Variants in MGAT5 observed in about 807,000 individuals in gnomAD.
MGAT5 encodes alpha-1,6-mannosylglycoprotein 6-beta-N-acetylglucosaminyltransferase A.
MGAT5 carries 30 observed loss-of-function variants against 94.3 expected under a neutral mutation model. The observed-to-expected ratio is 0.32, with a 90% CI of 0.24 to 0.43. The LOEUF (loss-of-function observed/expected upper bound fraction) is 0.43. Ranked by LOEUF, MGAT5 falls within the 20% of genes least tolerant of loss-of-function variation. The pLI, the probability that MGAT5 is intolerant of heterozygous loss-of-function variation, is 1.00. For synonymous variants in MGAT5, 310 were observed against 322.9 expected (o/e 0.96, Z 0.43); for missense variants, 691 against 905.5 (o/e 0.76, Z 3.04).
At chr2:134,230,179 C>G (rs370876578) in intron 1 of MGAT5, among the ~76,000 whole-genome samples, 1 of 152,184 alleles carries the variant, frequency 6.6e-6, no homozygotes, top group East Asian at 1.9e-4. Flanking sequence ...GCATTAGATT[C>G]TCATAAGGAG....
intron 1 of MGAT5, among the ~76,000 whole-genome samples, chr2:134,219,104 T>C (rs1363972925): frequency 1.3e-5 from 2 of 151,390 alleles, no homozygotes; most frequent in East Asian, 3.9e-4. Context: ...GAGGTGTGAG[T>C]GCGGTGGAGT....
chr2:134,248,746 C>A (rs955701927), intron 1 of MGAT5, among the ~76,000 whole-genome samples: 5 of 152,150 alleles, frequency 3.3e-5, no homozygotes. Flanking sequence ...TTTGAAGAGA[C>A]CAAATCTCTG....
At chr2:134,431,757 G>A (rs777176858) in intron 14 of MGAT5, among the ~76,000 whole-genome samples, 4 of 152,004 alleles carry the variant, frequency 2.6e-5, no homozygotes, top group East Asian at 1.9e-4. Flanking sequence ...AGGGTTGTCC[G>A]TCATGCTCAG....
At chr2:134,281,868 CAGA>C (rs1684719212) in intron 2 of MGAT5, among the ~76,000 whole-genome samples, 1 of 152,168 alleles carries the variant, frequency 6.6e-6, no homozygotes, top group South Asian at 2.1e-4. Context: ...GCAAGATTTG[CAGA>C]AGAACAAAGT....
At chr2:134,419,018 C>A (rs1684132525) in intron 12 of MGAT5, among the ~76,000 whole-genome samples, 1 of 152,194 alleles carries the variant, frequency 6.6e-6, no homozygotes, top group Admixed American at 6.5e-5. Flanking sequence ...TTCTAAGAAT[C>A]AAAAATCCCT....
chr2:134,406,591 G>A (rs1211025259), intron 11 of MGAT5, among the ~76,000 whole-genome samples: 1 of 152,142 alleles, frequency 6.6e-6, no homozygotes, highest in Non-Finnish European at 1.5e-5. Flanking sequence ...CACAAAACCT[G>A]TCTAAGGCAG....
intron 1 of MGAT5, among the ~76,000 whole-genome samples, chr2:134,165,037 T>C (rs1687908983): frequency 6.6e-6 from 1 of 152,238 alleles, no homozygotes; most frequent in Non-Finnish European, 1.5e-5. Context: ...GGCTGTGTGG[T>C]AGAACTTTCT....
intron 1 of MGAT5, among the ~76,000 whole-genome samples, chr2:134,221,991 A>G (rs1680796868): frequency 2.0e-5 from 3 of 152,190 alleles, no homozygotes; most frequent in Non-Finnish European, 4.4e-5. Context: ...TCATTTGTCC[A>G]GGTCCCACGG....
At chr2:134,203,001 A>C (rs1409795757) in intron 1 of MGAT5, among the ~76,000 whole-genome samples, 2 of 152,236 alleles carry the variant, frequency 1.3e-5, no homozygotes, top group Non-Finnish European at 2.9e-5. Context: ...AAAATCACCT[A>C]TAAATGCAAC....
intron 10 of MGAT5, among the ~76,000 whole-genome samples, chr2:134,388,448 C>A (rs1186741740): frequency 1.3e-5 from 2 of 150,732 alleles, no homozygotes; most frequent in Non-Finnish European, 2.9e-5. Flanking sequence ...AAAAAAAAAA[C>A]CCACTGCTAT....
intron 10 of MGAT5, among the ~76,000 whole-genome samples, chr2:134,389,315 G>T (rs972494660): frequency 6.6e-6 from 1 of 152,038 alleles, no homozygotes; most frequent in African/African-American, 2.4e-5. Flanking sequence ...ATGCTATATT[G>T]ACTAGTAAAT....
At chr2:134,227,438 A>G (rs1681119926) in intron 1 of MGAT5, among the ~76,000 whole-genome samples, 1 of 152,220 alleles carries the variant, frequency 6.6e-6, no homozygotes, top group African/African-American at 2.4e-5. Flanking sequence ...GAGACTAGCT[A>G]TTCCTGGCAG....
chr2:134,425,410 G>T (rs1215830213), intron 13 of MGAT5, among the ~76,000 whole-genome samples: 5 of 151,860 alleles, frequency 3.3e-5, no homozygotes, highest in African/African-American at 1.2e-4. Context: ...TGGTTTTTGT[G>T]TGTGTGTGGT....
intron 1 of MGAT5, among the ~76,000 whole-genome samples, chr2:134,247,570 T>C (rs957338953): frequency 8.5e-5 from 13 of 152,278 alleles, no homozygotes; most frequent in African/African-American, 2.6e-4. Flanking sequence ...TGAAAAATGT[T>C]TAAAAACATC....
intron 1 of MGAT5, among the ~76,000 whole-genome samples, chr2:134,150,091 TG>T (rs1687103648): frequency 6.6e-6 from 1 of 151,686 alleles, no homozygotes; most frequent in South Asian, 2.1e-4. Flanking sequence ...TGAGAATGGG[TG>T]GGGGTGAGGC....
chr2:134,395,714 G>C (rs907142857), intron 10 of MGAT5, among the ~76,000 whole-genome samples: 1 of 152,122 alleles, frequency 6.6e-6, no homozygotes, highest in Non-Finnish European at 1.5e-5. Context: ...TGCTCTTTCC[G>C]TACCACCCAT....
chr2:134,365,097 G>C (rs893918178), intron 10 of MGAT5, among the ~76,000 whole-genome samples: 1 of 152,178 alleles, frequency 6.6e-6, no homozygotes, highest in African/African-American at 2.4e-5. Flanking sequence ...TGTGTCCTGG[G>C]AGGTTTAGGA....
At chr2:134,316,866 T>C (rs929391869) in intron 2 of MGAT5, among the ~76,000 whole-genome samples, 2 of 152,156 alleles carry the variant, frequency 1.3e-5, no homozygotes, top group Non-Finnish European at 2.9e-5. Flanking sequence ...GTTTTGACCC[T>C]ACAGTTACAA....
At chr2:134,207,468 G>A (rs971499656) in intron 1 of MGAT5, among the ~76,000 whole-genome samples, 3 of 152,050 alleles carry the variant, frequency 2.0e-5, no homozygotes, top group Non-Finnish European at 4.4e-5. Context: ...ACCATGCATG[G>A]GTATCTTCTT....
Sources: allele counts gnomAD v4.1 joint callset (sites outside exome capture counted in the v4.1 genomes callset), GRCh38; gene constraint gnomAD v4.1.1; transcripts MANE v1.5; gene names NCBI Gene and HGNC (gene_info 2026-07-23, HGNC 2026-07-21).